The following TLK1 variants were observed in gnomAD, a reference collection of about 807,000 sequenced individuals.
TLK1 encodes serine/threonine-protein kinase tousled-like 1.
TLK1 carries 24 observed loss-of-function variants against 105.3 expected under a neutral mutation model. The ratio of observed to expected loss-of-function variants is 0.23; its 90% CI spans 0.17 to 0.32. The LOEUF is 0.32. TLK1 is among the 10% of genes least tolerant of loss of function. The pLI, the probability that TLK1 is intolerant of heterozygous loss-of-function variation, is 1.00. For missense variants in TLK1, 558 were observed against 910.5 expected (o/e 0.61, Z 4.98); for synonymous variants, 321 against 310.4 (o/e 1.03, Z -0.36).
At chr2:171,061,239 G>C in intron 3 of TLK1, 83 bp from the exon 4 acceptor site, 1 of 1,373,746 alleles carries the variant, frequency 7.3e-7, no homozygotes, top group South Asian at 1.2e-5. Context: ...CATGTTTCGA[G>C]ACCAAAAAAA....
At chr2:171,161,106 G>T (rs903182673), upstream of TLK1, among the ~76,000 whole-genome samples, 1 of 147,110 alleles carries the variant, frequency 6.8e-6, no homozygotes, top group Non-Finnish European at 1.5e-5. Context: ...CGCCCCTGCC[G>T]CACCCGCGGA....
chr2:171,097,756 T>G (rs1689509341), intron 2 of TLK1, among the ~76,000 whole-genome samples: 1 of 152,138 alleles, frequency 6.6e-6, no homozygotes, highest in South Asian at 2.1e-4. Context: ...AAATGACATC[T>G]CTACTAAAAA....
intron 3 of TLK1, among the ~76,000 whole-genome samples, chr2:171,061,820 T>A (rs1036839695): frequency 6.6e-6 from 1 of 152,210 alleles, no homozygotes; most frequent in Non-Finnish European, 1.5e-5. Context: ...AAAAGAATAT[T>A]TTGTGGTGTG....
intron 13 of TLK1, 132 bp downstream of exon 13, chr2:171,014,719 G>T: frequency 1.5e-6 from 1 of 670,494 alleles, no homozygotes; most frequent in Non-Finnish European, 2.5e-6. Flanking sequence ...GGCCTTCCAA[G>T]CCATGGGAAG....
intron 18 of TLK1, among the ~76,000 whole-genome samples, chr2:171,002,130 T>C (rs1575501526): frequency 2.0e-5 from 3 of 152,240 alleles, no homozygotes; most frequent in Admixed American, 2.0e-4. Context: ...GAGCTGCTTC[T>C]CCTGTTATCT....
chr2:171,042,083 G>A (rs1482346442), intron 11 of TLK1, among the ~76,000 whole-genome samples: 1 of 152,008 alleles, frequency 6.6e-6, no homozygotes, highest in East Asian at 1.9e-4. Flanking sequence ...GTTAGTTTTA[G>A]GTCAACATAT....
At chr2:171,086,100 C>A (rs1688960906) in intron 2 of TLK1, among the ~76,000 whole-genome samples, 1 of 151,974 alleles carries the variant, frequency 6.6e-6, no homozygotes, top group African/African-American at 2.4e-5. Context: ...ACCTTATAAT[C>A]CTGAGTTTGA....
chr2:171,026,485 A>G (rs1001141144), intron 12 of TLK1, among the ~76,000 whole-genome samples: 1 of 152,180 alleles, frequency 6.6e-6, no homozygotes, highest in African/African-American at 2.4e-5. Flanking sequence ...TTCAGATTTT[A>G]TAACAGATTT....
chr2:171,068,262 G>C lies in TLK1; in HGVS notation c.331-7106C>G, dbSNP rs190191794. 3.9e-4 allele frequency among the ~76,000 whole-genome samples: 60 copies of C among 152,254 alleles called. 1 individual carries two copies. The highest frequency in any genetic ancestry group is 1.3e-3 in the African/African-American group (54 of 41,538). ...GAAAATTGCTTGTATCTGGGAGGCA[G>C]AGGTTGCAGTGAGCCAAGATCGCGC... On this transcript the variant is annotated intron_variant, in intron 3 of 20. Transcript: ENST00000431350.
intron 2 of TLK1, among the ~76,000 whole-genome samples, chr2:171,103,282 A>ATATATATATATATATATAT (rs55949414): frequency 2.3e-4 from 34 of 147,942 alleles, no homozygotes; most frequent in African/African-American, 4.7e-4. Context: ...ATATATATAT[A>ATATATATATATATATATAT]ATTTTTTTTG....
intron 2 of TLK1, among the ~76,000 whole-genome samples, chr2:171,091,325 A>G (rs919145645): frequency 2.9e-4 from 44 of 152,208 alleles, no homozygotes; most frequent in Non-Finnish European, 1.3e-4. Flanking sequence ...TCAACAATAG[A>G]TGCCCCCATC....
chr2:171,056,406 A>G, intron 6 of TLK1, 65 bp downstream of exon 6: 1 of 1,321,738 alleles, frequency 7.6e-7, no homozygotes, highest in Non-Finnish European at 1.1e-6. Flanking sequence ...AACAAATTAT[A>G]AAACTTATTC....
chr2:171,112,195 C>A (rs904489340), intron 2 of TLK1, among the ~76,000 whole-genome samples: 1 of 152,186 alleles, frequency 6.6e-6, no homozygotes, highest in African/African-American at 2.4e-5. Context: ...CGTGATCCGC[C>A]CACTTTGGCC....
At chr2:171,049,228 A>T (rs2052809) in intron 10 of TLK1, among the ~76,000 whole-genome samples, 139,743 of 152,154 alleles carry the variant, frequency 0.92, 65,235 homozygotes, top group East Asian at 1. Flanking sequence ...CTCAGTATCA[A>T]GCAATATACC....
chr2:171,136,962 G>A (rs952170255), intron 1 of TLK1, among the ~76,000 whole-genome samples: 1 of 152,188 alleles, frequency 6.6e-6, no homozygotes, highest in African/African-American at 2.4e-5. Context: ...CCACTTGTTA[G>A]CATATTGTCT....
intron 8 of TLK1, 140 bp downstream of exon 8, chr2:171,053,621 A>T (rs987916921): frequency 5.0e-6 from 3 of 596,598 alleles, no homozygotes; most frequent in Non-Finnish European, 8.6e-6. Flanking sequence ...TCGACCTCCC[A>T]AAGTGCTGGG....
chr2:171,117,969 A>G lies in TLK1; in HGVS notation c.140-112T>C, dbSNP rs1366026226. On this transcript the variant is annotated intron_variant, in intron 1 of 20. Transcript: ENST00000431350. ...TAAGATGTTAAAAATTTAGGAATGA[A>G]TGCTACAAGCAGACGAAATTGAGAG... is the stretch of plus-strand genomic sequence containing the variant. 6.0e-6 allele frequency: 4 copies of G among 666,948 alleles called. No individual in the cohort carries two copies. The East Asian group carries it at 1.3e-4, about 22-fold the overall frequency. The allele number at this position is 666,948 out of a possible 1,614,324, so 41.3% of individuals were successfully genotyped here. A position where few individuals can be genotyped will look rare whatever the true frequency, so the allele number is the denominator to read the frequency against.
chr2:171,192,652 C>T (rs967539439), intron 1 of TLK1, among the ~76,000 whole-genome samples: 6 of 152,042 alleles, frequency 3.9e-5, no homozygotes, highest in African/African-American at 1.4e-4. Context: ...TGCACTCCAG[C>T]CTGGGTGACA....
intron 1 of TLK1, among the ~76,000 whole-genome samples, chr2:171,174,197 C>A (rs1692779413): frequency 6.6e-6 from 1 of 152,136 alleles, no homozygotes; most frequent in Non-Finnish European, 1.5e-5. Flanking sequence ...ATGGGAATCC[C>A]ACACTGCAGC....
Sources: allele counts gnomAD v4.1 joint callset (sites outside exome capture counted in the v4.1 genomes callset), GRCh38; gene constraint gnomAD v4.1.1; transcripts MANE v1.5; gene names NCBI Gene and HGNC (gene_info 2026-07-23, HGNC 2026-07-21).